Variants in CNTN4 observed in about 807,000 individuals in gnomAD.
CNTN4 encodes contactin-4.
Under a neutral mutation model 122.5 loss-of-function variants are expected in CNTN4, and 77 were observed. The observed-to-expected ratio is 0.63, with a 90% CI of 0.52 to 0.76. CNTN4 has a LOEUF of 0.76. Ranked by LOEUF, CNTN4 falls within the 30% of genes least tolerant of loss-of-function variation. The pLI is 0.00. For synonymous variants in CNTN4, 512 were observed against 447.0 expected (o/e 1.15, Z -1.83); for missense variants, 1,256 against 1,259.1 (o/e 1.00, Z 0.04).
At chr3:3,015,353 G>C (rs561038527) in intron 14 of CNTN4, among the ~76,000 whole-genome samples, 1 of 151,898 alleles carries the variant, frequency 6.6e-6, no homozygotes, top group Non-Finnish European at 1.5e-5. Context: ...ACTGTTGGGG[G>C]TGGGGGAGGG....
intron 10 of CNTN4, among the ~76,000 whole-genome samples, chr3:2,899,942 G>T (rs1025326498): frequency 6.6e-6 from 1 of 152,174 alleles, no homozygotes; most frequent in African/African-American, 2.4e-5. Flanking sequence ...AAGTATATTA[G>T]TGAGGGACAA....
intron 3 of CNTN4, among the ~76,000 whole-genome samples, chr3:2,379,859 A>C (rs1344377544): frequency 6.6e-6 from 1 of 152,114 alleles, no homozygotes; most frequent in African/African-American, 2.4e-5. Flanking sequence ...GTTCGAGACC[A>C]ACCTGACAAA....
chr3:2,248,644 A>T (rs1361177319), intron 2 of CNTN4, among the ~76,000 whole-genome samples: 1 of 151,992 alleles, frequency 6.6e-6, no homozygotes, highest in Non-Finnish European at 1.5e-5. Context: ...TCCTTAACAA[A>T]TATGTTTTTT....
intron 3 of CNTN4, among the ~76,000 whole-genome samples, chr3:2,405,514 G>C (rs1282972975): frequency 1.3e-5 from 2 of 152,038 alleles, no homozygotes; most frequent in Non-Finnish European, 2.9e-5. Flanking sequence ...CAAAATTGGA[G>C]CAACCCAATT....
At chr3:2,166,400 G>A (rs774753237) in intron 2 of CNTN4, among the ~76,000 whole-genome samples, 6 of 152,082 alleles carry the variant, frequency 3.9e-5, no homozygotes, top group Non-Finnish European at 7.4e-5. Flanking sequence ...GATTCCTGGA[G>A]TCCAAAGTGA....
intron 4 of CNTN4, among the ~76,000 whole-genome samples, chr3:2,640,546 A>T (rs533073769): frequency 6.6e-6 from 1 of 152,302 alleles, no homozygotes; most frequent in Non-Finnish European, 1.5e-5. Flanking sequence ...GAAAAGGATG[A>T]TTGGGTAGTG....
rs543400125 is a variant in CNTN4, at chr3:2,385,600, G to A, written c.-89+46367G>A. Among the ~76,000 whole-genome samples, 19 of 152,160 alleles carry A rather than the reference G, an allele frequency of 1.2e-4. No homozygotes were observed. Among genetic ancestry groups the A allele is most frequent in the East Asian group, 5.8e-4 (3 of 5,172 alleles). ...CGTCTGTAACCTCTAGGGGAGGGTC[G>A]CATCTCTCAGCTTCTGTTAGCCCCA... On this transcript the variant is annotated intron_variant, in intron 3 of 24. Transcript: ENST00000418658. The surrounding 1 kb of genome is among the most constrained non-coding windows in gnomAD (Gnocchi z 4.0).
Position 2,695,729 on chromosome 3 carries a change from C to T in CNTN4, c.56-40486C>T, listed in dbSNP as rs139620341. 4.8e-3 allele frequency among the ~76,000 whole-genome samples: 736 copies of T among 152,280 alleles called. 15 individuals are homozygous for T. The highest frequency in any genetic ancestry group is 0.033 in the Admixed American group (503 of 15,286). Reference sequence around the variant, plus strand: ...ATCATTTCAATATGATGCTGCAAGTCATGTCAGAGATAAGCAATGGGTACT... The same window carrying T: ...ATCATTTCAATATGATGCTGCAAGTTATGTCAGAGATAAGCAATGGGTACT... On this transcript the variant is annotated intron_variant, in intron 4 of 24. Transcript: ENST00000418658.
At chr3:2,331,943 G>A (rs1034777255) in intron 2 of CNTN4, among the ~76,000 whole-genome samples, 1 of 152,106 alleles carries the variant, frequency 6.6e-6, no homozygotes, top group African/African-American at 2.4e-5. Flanking sequence ...TTTGTAAGGC[G>A]ATTCTCCTGT....
intron 6 of CNTN4, among the ~76,000 whole-genome samples, chr3:2,761,124 G>A (rs1039401265): frequency 1.2e-4 from 19 of 152,088 alleles, no homozygotes; most frequent in African/African-American, 2.7e-4. Flanking sequence ...CCTTGTACTC[G>A]TTTTCTAAGA....
intron 2 of CNTN4, among the ~76,000 whole-genome samples, chr3:2,295,770 C>T (rs975414912): frequency 1.6e-4 from 25 of 152,040 alleles, no homozygotes; most frequent in South Asian, 8.3e-4. Flanking sequence ...TGTCCTGAAT[C>T]GTATTGCCTA....
intron 12 of CNTN4, among the ~76,000 whole-genome samples, chr3:2,914,370 G>T (rs189409846): frequency 2.8e-4 from 42 of 152,184 alleles, no homozygotes; most frequent in African/African-American, 9.6e-4. Context: ...AACAAGAGTT[G>T]ATTTTTAAAA....
chr3:3,051,409 A>G (rs1187547375), intron 23 of CNTN4, among the ~76,000 whole-genome samples: 3 of 152,194 alleles, frequency 2.0e-5, no homozygotes, highest in East Asian at 3.8e-4. Flanking sequence ...CAGTGCTGAT[A>G]AAAGTGCTGC....
At chr3:2,153,909 A>C (rs1039985728) in intron 2 of CNTN4, among the ~76,000 whole-genome samples, 13 of 152,168 alleles carry the variant, frequency 8.5e-5, no homozygotes, top group Non-Finnish European at 1.8e-4. Context: ...TAAGGAACTT[A>C]AAAAAGTGTT....
At chr3:2,111,614 C>T (rs913722001) in intron 2 of CNTN4, among the ~76,000 whole-genome samples, 6 of 152,078 alleles carry the variant, frequency 3.9e-5, no homozygotes, top group African/African-American at 1.4e-4. Flanking sequence ...GATTCATATC[C>T]TGTCTCTACT....
chr3:2,480,021 GAC>G (rs2075945364), intron 3 of CNTN4, among the ~76,000 whole-genome samples: 2 of 151,954 alleles, frequency 1.3e-5, no homozygotes, highest in Non-Finnish European at 2.9e-5. Flanking sequence ...AGAAAAATTA[GAC>G]AGTTATATCA....
At chr3:2,429,770 G>A (rs1429220562) in intron 3 of CNTN4, among the ~76,000 whole-genome samples, 2 of 152,176 alleles carry the variant, frequency 1.3e-5, no homozygotes, top group Non-Finnish European at 1.5e-5. Context: ...ACCTACTCAA[G>A]CCTCAGCAAT....
chr3:2,388,138 G>T (rs1210385934), intron 3 of CNTN4, among the ~76,000 whole-genome samples: 3 of 152,142 alleles, frequency 2.0e-5, no homozygotes, highest in Non-Finnish European at 4.4e-5. Context: ...GTCTGCAGAA[G>T]GTCCTTCAAG....
At chr3:2,225,262 C>T (rs554612312) in intron 2 of CNTN4, among the ~76,000 whole-genome samples, 1 of 151,398 alleles carries the variant, frequency 6.6e-6, no homozygotes, top group Admixed American at 6.6e-5. Context: ...CACCTGCAAT[C>T]CCAGCATTTT....
Sources: gnomAD v4.1 joint callset for allele counts (sites outside exome capture counted in the v4.1 genomes callset) on GRCh38, gnomAD v4.1.1 for gene constraint, Gnocchi (gnomAD v3.1) non-coding constraint, MANE v1.5 for transcripts, NCBI Gene and HGNC (gene_info 2026-07-23, HGNC 2026-07-21) for gene names.